Variants in RAD51B observed in about 807,000 individuals in gnomAD.
The protein encoded by RAD51B is DNA repair protein RAD51 homolog 2.
A neutral mutation model predicts 42.2 loss-of-function variants in RAD51B; 38 were observed. That is an observed-to-expected ratio of 0.90 (90% CI 0.70 to 1.18). RAD51B has a LOEUF of 1.18. RAD51B is among the 50% of genes most tolerant of loss of function. The probability of loss-of-function intolerance (pLI) is 0.00; values close to 1 mark genes in which losing one functional copy is unlikely to be tolerated. For synonymous variants in RAD51B, 154 were observed against 145.2 expected (o/e 1.06, Z -0.43); for missense variants, 373 against 400.7 (o/e 0.93, Z 0.59).
chr14:68,142,090 A>C (rs2078141350), intron 7 of RAD51B, among the ~76,000 whole-genome samples: 1 of 152,214 alleles, frequency 6.6e-6, no homozygotes, highest in African/African-American at 2.4e-5. Context: ...CACTGAAATG[A>C]ATATAAAGAA....
intron 10 of RAD51B, among the ~76,000 whole-genome samples, chr14:68,602,546 A>ATAGATAGG (rs574497227): frequency 1.4e-4 from 21 of 152,108 alleles, no homozygotes; most frequent in African/African-American, 4.8e-4. Flanking sequence ...AGATAGATAG[A>ATAGATAGG]TAATACATGA....
intron 10 of RAD51B, among the ~76,000 whole-genome samples, chr14:68,504,662 C>CTTTTTTTTTTTTTTTTTTTTTT (rs57967320): frequency 4.4e-5 from 4 of 90,432 alleles, no homozygotes; most frequent in Admixed American, 1.4e-4. Flanking sequence ...TTTTTTCTTT[C>CTTTTTTTTTTTTTTTTTTTTTT]TTTTTTTTTT....
rs139333598 is a variant in RAD51B at position 68,578,212 on chromosome 14, G to A, written c.1037-16273G>A. Among the ~76,000 whole-genome samples, 77 of 152,246 alleles carry A rather than the reference G, an allele frequency of 5.1e-4. No individual in the cohort carries two copies. The East Asian group carries it at 0.013, about 26-fold the overall frequency. On this transcript the variant is annotated intron_variant, in intron 10 of 10. Coordinates refer to the RAD51B transcript ENST00000487270. ...AGGCTGAGGTGGGCAGATCACTTGA[G>A]GTCAGGAGTTCGAGACCAACCTGGC...
At chr14:68,411,902 A>ATG (rs537191550) in intron 9 of RAD51B, among the ~76,000 whole-genome samples, 139 of 152,348 alleles carry the variant, frequency 9.1e-4, no homozygotes, top group Middle Eastern at 3.4e-3. Flanking sequence ...TTCTTGAAGT[A>ATG]TGTGTACTTT....
chr14:68,205,753 A>G (rs2079572485), intron 7 of RAD51B, among the ~76,000 whole-genome samples: 1 of 152,114 alleles, frequency 6.6e-6, no homozygotes, highest in Non-Finnish European at 1.5e-5. Context: ...CTCGATCTAC[A>G]TATGCATATA....
chr14:67,877,381 A>G (rs2042760685), intron 5 of RAD51B, among the ~76,000 whole-genome samples: 1 of 152,146 alleles, frequency 6.6e-6, no homozygotes, highest in Admixed American at 6.5e-5. Flanking sequence ...GTGAACTCAT[A>G]TCCTCTTTCC....
At chr14:68,668,574 C>T (rs972474456) in intron 11 of RAD51B, among the ~76,000 whole-genome samples, 1 of 152,238 alleles carries the variant, frequency 6.6e-6, no homozygotes, top group African/African-American at 2.4e-5. Context: ...CTTGAAGCCA[C>T]ATTTCAGGTG....
chr14:67,918,785 A>G (rs2044235412), intron 7 of RAD51B, among the ~76,000 whole-genome samples: 2 of 152,232 alleles, frequency 1.3e-5, no homozygotes, highest in Non-Finnish European at 2.9e-5. Context: ...GTGCTGAGGG[A>G]AAATTATGAC....
intron 7 of RAD51B, among the ~76,000 whole-genome samples, chr14:68,039,396 C>A (rs1041698653): frequency 5.4e-5 from 8 of 147,818 alleles, no homozygotes; most frequent in Non-Finnish European, 1.0e-4. Context: ...CCACTGCACT[C>A]CAGCCTGGTG....
At chr14:68,563,828 C>G in intron 10 of RAD51B, 1 of 985,426 alleles carries the variant, frequency 1.0e-6, no homozygotes, top group Non-Finnish European at 1.2e-6. Flanking sequence ...TTGGAACGTG[C>G]TTTTTTACCT....
intron 7 of RAD51B, among the ~76,000 whole-genome samples, chr14:68,246,480 G>C (rs571300052): frequency 6.6e-6 from 1 of 152,290 alleles, no homozygotes; most frequent in South Asian, 2.1e-4. Context: ...GAGAGAATCT[G>C]GGACATTTAA....
At chr14:68,572,802 C>T (rs1416654909) in intron 10 of RAD51B, among the ~76,000 whole-genome samples, 4 of 152,222 alleles carry the variant, frequency 2.6e-5, no homozygotes, top group Non-Finnish European at 5.9e-5. Flanking sequence ...AGTGTCATAT[C>T]AATAGCATCA....
intron 10 of RAD51B, among the ~76,000 whole-genome samples, chr14:68,625,750 A>G (rs1437208449): frequency 6.6e-6 from 1 of 152,118 alleles, no homozygotes; most frequent in Non-Finnish European, 1.5e-5. Context: ...CCTTCCTACA[A>G]TGGGTTCTCA....
chr14:67,867,212 C>G (rs192345772), intron 5 of RAD51B, among the ~76,000 whole-genome samples: 84 of 152,318 alleles, frequency 5.5e-4, no homozygotes, highest in African/African-American at 1.9e-3. Context: ...CATTCTGTTA[C>G]AGGACAGCTT....
intron 7 of RAD51B, among the ~76,000 whole-genome samples, chr14:68,210,549 T>C (rs935232998): frequency 6.6e-6 from 1 of 152,192 alleles, no homozygotes; most frequent in Non-Finnish European, 1.5e-5. Flanking sequence ...CCATTGTGTG[T>C]GTCTTGTGTC....
At chr14:68,000,543 T>A (rs1256910659) in intron 7 of RAD51B, among the ~76,000 whole-genome samples, 1 of 152,168 alleles carries the variant, frequency 6.6e-6, no homozygotes, top group African/African-American at 2.4e-5. Flanking sequence ...TTAAAATATG[T>A]CCTGTTAAGA....
At chr14:68,276,583 G>A (rs2081229548) in intron 7 of RAD51B, among the ~76,000 whole-genome samples, 1 of 152,112 alleles carries the variant, frequency 6.6e-6, no homozygotes, top group African/African-American at 2.4e-5. Flanking sequence ...CTACAGGGGA[G>A]TCTGTCAGTC....
chr14:68,421,758 C>T lies in RAD51B; in HGVS notation c.957+10231C>T. On this transcript the variant is annotated intron_variant, in intron 9 of 10. Transcript: ENST00000471583. ...TCTTGCTGGTCTTGCCATTCCTGGACCCAAAGCACTCCATGCCTCCACAAT... is the reference window on the plus strand; with the variant it reads ...TCTTGCTGGTCTTGCCATTCCTGGATCCAAAGCACTCCATGCCTCCACAAT... The T allele has an allele frequency of 2.5e-6, 4 of 1,597,842 alleles. No homozygotes were observed. In the South Asian group the frequency reaches 4.4e-5, roughly 18 times the overall value.
chr14:68,478,439 G>A (rs1036032364), downstream of RAD51B, among the ~76,000 whole-genome samples: 1 of 152,188 alleles, frequency 6.6e-6, no homozygotes, highest in African/African-American at 2.4e-5. Context: ...CCCAAAGCTG[G>A]GCCAGTCAAT....
Sources: allele counts gnomAD v4.1 joint callset (sites outside exome capture counted in the v4.1 genomes callset), GRCh38; gene constraint gnomAD v4.1.1; transcripts MANE v1.5; gene names NCBI Gene and HGNC (gene_info 2026-07-23, HGNC 2026-07-21).